Variants in NRG3 observed in about 807,000 individuals in gnomAD.
NRG3 encodes neuregulin 3, also known as pro-neuregulin-3, membrane-bound isoform.
A neutral mutation model predicts 66.9 loss-of-function variants in NRG3; 31 were observed. The observed-to-expected ratio is 0.46, with a 90% CI of 0.35 to 0.63. The LOEUF (loss-of-function observed/expected upper bound fraction) is 0.63. NRG3 is among the 20% of genes least tolerant of loss of function. The probability of loss-of-function intolerance (pLI) is 0.00; values close to 1 mark genes in which losing one functional copy is unlikely to be tolerated. For synonymous variants in NRG3, 393 were observed against 359.4 expected (o/e 1.09, Z -1.06); for missense variants, 910 against 878.9 (o/e 1.04, Z -0.45).
At chr10:82,114,860 G>T (rs2067607964) in intron 1 of NRG3, among the ~76,000 whole-genome samples, 1 of 152,050 alleles carries the variant, frequency 6.6e-6, no homozygotes, top group African/African-American at 2.4e-5. Flanking sequence ...CTCCTTTCTG[G>T]CAGAGCACCT....
At chr10:82,460,540 A>G (rs191831341) in intron 2 of NRG3, among the ~76,000 whole-genome samples, 6 of 152,256 alleles carry the variant, frequency 3.9e-5, no homozygotes, top group South Asian at 2.1e-4. Context: ...TCTGTCTTTC[A>G]TGCAACTCTC....
intron 3 of NRG3, among the ~76,000 whole-genome samples, chr10:82,765,138 A>G (rs1268182113): frequency 6.6e-6 from 1 of 152,190 alleles, no homozygotes; most frequent in Admixed American, 6.5e-5. Context: ...TGAGAAAACC[A>G]GAACAAAAAC....
chr10:82,586,103 A>G (rs564623857), intron 2 of NRG3, among the ~76,000 whole-genome samples: 1 of 152,266 alleles, frequency 6.6e-6, no homozygotes, highest in South Asian at 2.1e-4. Context: ...TAATTGGTTG[A>G]AAAACAAACT....
chr10:82,828,667 C>T (rs1235830155), intron 3 of NRG3, among the ~76,000 whole-genome samples: 1 of 152,116 alleles, frequency 6.6e-6, no homozygotes, highest in Non-Finnish European at 1.5e-5. Flanking sequence ...TTTTTTAAAT[C>T]ACAGATAAGA....
chr10:82,848,304 G>A (rs777679955), intron 3 of NRG3, among the ~76,000 whole-genome samples: 7 of 152,214 alleles, frequency 4.6e-5, no homozygotes, highest in South Asian at 4.1e-4. Flanking sequence ...TAACCCAGAT[G>A]TGAGGACATG....
intron 2 of NRG3, among the ~76,000 whole-genome samples, chr10:82,549,795 C>T (rs1048482739): frequency 6.6e-6 from 1 of 152,004 alleles, no homozygotes; most frequent in Non-Finnish European, 1.5e-5. Context: ...TATCAGTGGT[C>T]AATAAGGTGA....
chr10:82,416,822 G>C (rs544851689), intron 2 of NRG3, among the ~76,000 whole-genome samples: 54 of 152,210 alleles, frequency 3.5e-4, no homozygotes, highest in Non-Finnish European at 5.9e-4. Context: ...TTCACCTCCA[G>C]ACTCTGCCTT....
In NRG3 at chr10:82,512,287, AT is replaced by A. The variant is rs201697563; in HGVS notation, c.953+153428del. Among the ~76,000 whole-genome samples the A allele has an allele frequency of 4.6e-5, 7 of 150,816 alleles. No individual in the cohort carries two copies. The South Asian group carries it at 6.3e-4, about 14-fold the overall frequency. On this transcript the variant is annotated intron_variant, in intron 2 of 8. Transcript: ENST00000372141. ...TATAATTTATTTTTATTTATCTTTTATTTTTTTTTATTTTTTGAGATGGAGT... is the reference window on the plus strand; with the variant it reads ...TATAATTTATTTTTATTTATCTTTTATTTTTTTTATTTTTTGAGATGGAGT...
intron 1 of NRG3, among the ~76,000 whole-genome samples, chr10:82,120,960 G>T (rs1258436144): frequency 1.3e-5 from 2 of 151,932 alleles, no homozygotes; most frequent in Non-Finnish European, 2.9e-5. Context: ...TGAAATAATG[G>T]ATGCCAGTTT....
intron 1 of NRG3, among the ~76,000 whole-genome samples, chr10:81,885,435 A>C (rs1424312712): frequency 6.6e-6 from 1 of 152,168 alleles, no homozygotes; most frequent in Non-Finnish European, 1.5e-5. Flanking sequence ...ACTGCGAAGT[A>C]CCCATCACTG....
intron 1 of NRG3, among the ~76,000 whole-genome samples, chr10:81,901,660 T>A (rs1026158410): frequency 1.3e-5 from 2 of 152,164 alleles, no homozygotes; most frequent in Non-Finnish European, 2.9e-5. Flanking sequence ...AGAGCAAGAC[T>A]CCATCTCTAA....
At chr10:82,197,986 A>C (rs1403606754) in intron 1 of NRG3, among the ~76,000 whole-genome samples, 1 of 152,240 alleles carries the variant, frequency 6.6e-6, no homozygotes, top group Non-Finnish European at 1.5e-5. Flanking sequence ...TTATCAAAAA[A>C]GAGAACATTT....
At chr10:82,637,584 T>G (rs2050285293) in intron 2 of NRG3, among the ~76,000 whole-genome samples, 1 of 152,134 alleles carries the variant, frequency 6.6e-6, no homozygotes, top group African/African-American at 2.4e-5. Context: ...CTGTATCTAA[T>G]TATGAGGGAA....
chr10:81,988,180 T>C (rs1263078494), intron 1 of NRG3, among the ~76,000 whole-genome samples: 1 of 152,216 alleles, frequency 6.6e-6, no homozygotes, highest in Non-Finnish European at 1.5e-5. Flanking sequence ...GAAATAACTA[T>C]TGCCATCCTG....
intron 1 of NRG3, among the ~76,000 whole-genome samples, chr10:81,960,288 C>T (rs1373593743): frequency 6.6e-6 from 1 of 152,126 alleles, no homozygotes; most frequent in African/African-American, 2.4e-5. Context: ...GCATAGATGA[C>T]TATAACTTCA....
chr10:82,011,292 C>A (rs2061564062), intron 1 of NRG3, among the ~76,000 whole-genome samples: 1 of 152,118 alleles, frequency 6.6e-6, no homozygotes, highest in Admixed American at 6.5e-5. Flanking sequence ...TCTCATGAGA[C>A]TTATTCACTA....
At chr10:82,560,742 T>G (rs1040477421) in intron 2 of NRG3, among the ~76,000 whole-genome samples, 1 of 151,390 alleles carries the variant, frequency 6.6e-6, no homozygotes, top group Non-Finnish European at 1.5e-5. Flanking sequence ...AAGTTGTAAG[T>G]TTTTGTGAAA....
At chr10:82,696,266 G>C (rs980900793) in intron 2 of NRG3, among the ~76,000 whole-genome samples, 8 of 152,184 alleles carry the variant, frequency 5.3e-5, no homozygotes, top group African/African-American at 1.9e-4. Context: ...ATTTTCCCTA[G>C]AGACCATCAC....
At chr10:82,062,021 G>T (rs1316752444) in intron 1 of NRG3, among the ~76,000 whole-genome samples, 1 of 152,136 alleles carries the variant, frequency 6.6e-6, no homozygotes, top group Non-Finnish European at 1.5e-5. Flanking sequence ...CTTTGCTTTT[G>T]ATGACCAAAG....
Sources: gnomAD v4.1 joint callset for allele counts (sites outside exome capture counted in the v4.1 genomes callset) on GRCh38, gnomAD v4.1.1 for gene constraint, MANE v1.5 for transcripts, NCBI Gene and HGNC (gene_info 2026-07-23, HGNC 2026-07-21) for gene names.